The following PIK3C2A variants were observed in gnomAD, a reference collection of about 807,000 sequenced individuals.
The protein encoded by PIK3C2A is phosphatidylinositol-4-phosphate 3-kinase catalytic subunit type 2 alpha.
PIK3C2A carries 97 observed loss-of-function variants against 204.5 expected under a neutral mutation model. The observed-to-expected ratio is 0.47, with a 90% confidence interval of 0.40 to 0.56. The LOEUF (loss-of-function observed/expected upper bound fraction) is 0.56. Ranked by LOEUF, PIK3C2A falls within the 20% of genes least tolerant of loss-of-function variation. PIK3C2A has a pLI of 0.00. For missense variants in PIK3C2A, 1,735 were observed against 1,969.2 expected, an observed-to-expected ratio of 0.88 and a Z score of 2.25; for synonymous variants, 653 against 664.4, an observed-to-expected ratio of 0.98 and a Z score of 0.26.
At chr11:17,191,225 G>A (rs536529743) in intron 1 of PIK3C2A, among the ~76,000 whole-genome samples, 30 of 152,298 alleles carry the variant, frequency 2.0e-4, no homozygotes, top group South Asian at 8.3e-4. Flanking sequence ...CTCTGCTCCT[G>A]AGAGGTAATC....
chr11:17,196,695 G>A (rs780203795), intron 1 of PIK3C2A, among the ~76,000 whole-genome samples: 2 of 151,748 alleles, frequency 1.3e-5, no homozygotes, highest in Non-Finnish European at 2.9e-5. Flanking sequence ...TCAGCCTCCC[G>A]AGTAGCTGGG....
intron 1 of PIK3C2A, among the ~76,000 whole-genome samples, chr11:17,201,911 G>A (rs1852400610): frequency 6.6e-6 from 1 of 152,088 alleles, no homozygotes; most frequent in Non-Finnish European, 1.5e-5. Context: ...CAAAAATCTG[G>A]TTTGTACTAT....
chr11:17,131,952 T>G lies in PIK3C2A; in HGVS notation c.2195A>C (p.Tyr732Ser). The change falls in exon 12 of 33, where the codon TAC becomes TCC. Residue 732 changes from tyrosine to serine, a missense_variant. Around this residue, in one of 6 missense-constraint regions of PIK3C2A, gnomAD observed 567 missense variants for 576.0 expected, o/e 0.98. Coordinates refer to ENST00000691414, the MANE Select transcript of PIK3C2A (RefSeq NM_002645.4). ...KPIQSKKVGT[Y>S]KNFFYLIKWD... ...TTTAATAAGATAGAAGAAATTCTTG[T>G]AAGTGCCAACCTTCTTTGATTGAAT... 6.3e-7 allele frequency: 1 copy of G among 1,599,104 alleles called. No individual in the cohort carries two copies. Among genetic ancestry groups the G allele is most frequent in the Non-Finnish European group, 8.5e-7 (1 of 1,171,338 alleles).
chr11:17,102,995 T>C (rs1279907278), intron 23 of PIK3C2A, among the ~76,000 whole-genome samples, 164 bp from the exon 24 acceptor site: 2 of 152,094 alleles, frequency 1.3e-5, no homozygotes, highest in Non-Finnish European at 1.5e-5. Flanking sequence ...TCTTTTCATA[T>C]TTCAAAAACA....
intron 26 of PIK3C2A, among the ~76,000 whole-genome samples, chr11:17,098,062 T>A (rs1848504696): frequency 6.6e-6 from 1 of 152,146 alleles, no homozygotes; most frequent in Admixed American, 6.5e-5. Flanking sequence ...TTTGACAGGA[T>A]GGAAAGTAGG....
At chr11:17,127,840 C>T (rs1045975357) in intron 13 of PIK3C2A, among the ~76,000 whole-genome samples, 1 of 152,056 alleles carries the variant, frequency 6.6e-6, no homozygotes, top group African/African-American at 2.4e-5. Flanking sequence ...CCAAGGGACA[C>T]AAGGTTTCAA....
chr11:17,129,886 T>A (rs989261376), intron 12 of PIK3C2A, among the ~76,000 whole-genome samples: 4 of 152,162 alleles, frequency 2.6e-5, no homozygotes, highest in African/African-American at 9.7e-5. Context: ...CACGCCAGCC[T>A]CAAATAATCT....
In PIK3C2A at chr11:17,097,058, TA is replaced by T. The variant is rs2137274257; in HGVS notation, c.4324del (p.Tyr1442IlefsTer4). 6.6e-7 allele frequency: 1 copy of T among 1,515,694 alleles called. No homozygotes were observed. Among genetic ancestry groups the T allele is most frequent in the South Asian group, 1.1e-5 (1 of 88,588 alleles). The allele number at this position is 1,515,694 out of a possible 1,614,324, so 93.9% of individuals were successfully genotyped here. On this transcript the variant is annotated frameshift_variant and splice_region_variant, in exon 27 of 33. Coordinates refer to ENST00000691414, the MANE Select transcript of PIK3C2A (RefSeq NM_002645.4). LOFTEE classifies it high-confidence loss of function. The stretch of plus-strand genomic sequence containing the variant: ...TATGAATATTGAAATCAAACTTACA[TA>T]ATGTTTATCTGGGTTGTATTTCTTA... ...YHKKYNPDKHYIYVVRILREG... is the reference protein window; with the variant it reads ...YHKKYNPDKHXIYVVRILREG...
At chr11:17,141,697 C>T (rs1446630396) in intron 8 of PIK3C2A, among the ~76,000 whole-genome samples, 1 of 152,150 alleles carries the variant, frequency 6.6e-6, no homozygotes, top group African/African-American at 2.4e-5. Context: ...TATCACATTA[C>T]ATTTAGTGAC....
chr11:17,113,209 G>C (rs1255089134), intron 20 of PIK3C2A, among the ~76,000 whole-genome samples: 1 of 152,060 alleles, frequency 6.6e-6, no homozygotes, highest in Non-Finnish European at 1.5e-5. Context: ...CTCTCTGGAA[G>C]ATAACAGATA....
rs753543871 is a variant in PIK3C2A at position 17,101,296 on chromosome 11, A to C, written c.3990T>G (p.Phe1330Leu). 2 of 1,548,120 alleles carry C rather than the reference A, an allele frequency of 1.3e-6. No homozygotes were observed. Among genetic ancestry groups the C allele is most frequent in the South Asian group, 2.4e-5 (2 of 83,060 alleles). The stretch of plus-strand genomic sequence containing the variant: ...TAGTTACCAGTGAAAGGAGGTTAAG[A>C]AAAAGGTTTGTCTGCTTTCTTATCA... ...YNLIRKQTNL[F>L]LNLLSLMIPS... Residue 1330 changes from phenylalanine (F) to leucine (L), a missense_variant, in exon 25 of 33, where the codon TTT (phenylalanine) becomes TTG (leucine). Phe to Leu is a conservative substitution (Grantham distance 22). Coordinates refer to ENST00000691414, the MANE Select transcript of PIK3C2A (RefSeq NM_002645.4).
chr11:17,198,972 A>G (rs986415820), intron 1 of PIK3C2A, among the ~76,000 whole-genome samples: 14 of 152,106 alleles, frequency 9.2e-5, no homozygotes, highest in African/African-American at 3.4e-4. Context: ...TACAAAAATT[A>G]GCCACGCGTG....
At position 17,118,714 on chromosome 11, in the gene PIK3C2A, T is replaced by C; in HGVS notation, c.2966A>G (p.Asn989Ser). ...CAAAAGGAATTGCACTAATGAACTA[T>C]TCAAGTAAATTTCATATTTCAAAGC... ...VQALKYEIYL[N>S]SSLVQFLLSR... The change falls in exon 18 of 33, where the codon AAT becomes AGT. Residue 989 changes from asparagine to serine, a missense_variant. Asn to Ser is a conservative substitution (Grantham distance 46). This residue lies in a region of PIK3C2A where 567 missense variants were observed against 576.0 expected (regional missense o/e 0.98). Transcript: ENST00000691414. The C allele has an allele frequency of 6.4e-7, 1 of 1,553,034 alleles. No homozygotes were observed. Among genetic ancestry groups the C allele is most frequent in the Non-Finnish European group, 8.9e-7 (1 of 1,126,572 alleles).
chr11:17,147,881 G>C (rs1850296396), intron 5 of PIK3C2A, among the ~76,000 whole-genome samples: 1 of 152,132 alleles, frequency 6.6e-6, no homozygotes, highest in African/African-American at 2.4e-5. Context: ...TAGCAGCCTA[G>C]GAGAATAAAA....
At chr11:17,100,078 T>A (rs1000986250) in intron 25 of PIK3C2A, 109 bp from the exon 26 acceptor site, 1 of 629,750 alleles carries the variant, frequency 1.6e-6, no homozygotes, top group Non-Finnish European at 2.8e-6. Context: ...ACAAAAATAA[T>A]CAGTCTTGAG....
chr11:17,103,752 T>C (rs541365583), intron 23 of PIK3C2A, among the ~76,000 whole-genome samples: 19 of 152,352 alleles, frequency 1.2e-4, no homozygotes, highest in African/African-American at 4.6e-4. Flanking sequence ...AATTGTTAAG[T>C]TGCAGAGTGA....
At chr11:17,164,576 A>G (rs909367628) in intron 2 of PIK3C2A, among the ~76,000 whole-genome samples, 10 of 152,218 alleles carry the variant, frequency 6.6e-5, no homozygotes, top group Non-Finnish European at 1.5e-4. Flanking sequence ...GCTACACTGT[A>G]GTAATCTAGC....
chr11:17,128,439 A>T (rs1021821413), intron 13 of PIK3C2A, among the ~76,000 whole-genome samples: 2 of 151,970 alleles, frequency 1.3e-5, no homozygotes, highest in East Asian at 3.9e-4. Flanking sequence ...GGATTTCACC[A>T]TGTTGGCCAG....
chr11:17,122,373 G>GT (rs1565256780), intron 14 of PIK3C2A, 40 bp from the exon 15 acceptor site: 3 of 1,305,478 alleles, frequency 2.3e-6, no homozygotes, highest in Non-Finnish European at 3.2e-6. Flanking sequence ...TACAGTCTAC[G>GT]TATTTGCCAC....
Sources: gnomAD v4.1 joint callset for allele counts (sites outside exome capture counted in the v4.1 genomes callset) on GRCh38, gnomAD v4.1.1 for gene constraint, gnomAD v4.1.1 regional missense constraint, MANE v1.5 for transcripts, NCBI Gene and HGNC (gene_info 2026-07-23, HGNC 2026-07-21) for gene names.